The following GPR161 variants were observed in gnomAD, a reference collection of about 807,000 sequenced individuals.
GPR161 encodes the protein G protein-coupled receptor 161.
A neutral mutation model predicts 39.2 loss-of-function variants in GPR161; 25 were observed. That is an observed-to-expected ratio of 0.64 (90% CI 0.47 to 0.89). GPR161 has a LOEUF of 0.89. Among genes scored for constraint, GPR161 ranks in the 40% least tolerant of loss-of-function variants. The pLI, the probability that GPR161 is intolerant of heterozygous loss-of-function variation, is 0.00. For synonymous variants in GPR161, 286 were observed against 276.6 expected, an observed-to-expected ratio of 1.03 and a Z score of -0.34; for missense variants, 547 against 677.8, an observed-to-expected ratio of 0.81 and a Z score of 2.14.
In GPR161 at chr1:168,097,178, C is replaced by T. The variant is rs780435619; in HGVS notation, c.429G>A (p.Arg143=). The T allele has an allele frequency of 3.4e-5, 55 of 1,613,796 alleles. No homozygotes were observed. In the South Asian group the frequency reaches 5.8e-4, roughly 17 times the overall value. The change falls in exon 3 of 6, where the codon CGG becomes CGA. Residue 143 remains arginine (R), a synonymous_variant. Coordinates refer to ENST00000682931, the MANE Select transcript of GPR161 (RefSeq NM_001375883.1). ...AGATGTAGACAAGTGCCATCACAGCCCGGTTCCCTGTGATCTTCATGGGGT... is the reference window on the plus strand; with the variant it reads ...AGATGTAGACAAGTGCCATCACAGCTCGGTTCCCTGTGATCTTCATGGGGT... The part of the protein sequence containing the change: ...MVYPMKITGN[R]AVMALVYIWL...
Position 168,084,542 on chromosome 1 carries a change from A to G in GPR161, c.*989T>C. 2.9e-6 allele frequency: 1 copy of G among 348,820 alleles called. No homozygotes were observed. Among genetic ancestry groups the G allele is most frequent in the South Asian group, 2.2e-5 (1 of 45,158 alleles). The allele number at this position is 348,820 out of a possible 1,614,324, so 21.6% of individuals were successfully genotyped here. ...GTCCAGGGCTGCTTCTATCTTATTT[A>G]TACCAGGCTTGTGATAATAGTAACT... On this transcript the variant is annotated 3_prime_UTR_variant, in exon 6 of 6. Coordinates refer to ENST00000682931, the MANE Select transcript of GPR161 (RefSeq NM_001375883.1).
At chr1:168,106,509 G>A (rs1023206855) in intron 1 of GPR161, among the ~76,000 whole-genome samples, 2 of 152,170 alleles carry the variant, frequency 1.3e-5, no homozygotes, top group African/African-American at 4.8e-5. Context: ...AGGACCCCTT[G>A]AGCCCAGAGG....
Position 168,085,655 on chromosome 1 carries a change from A to G in GPR161, c.1466T>C (p.Val489Ala). ...FGEEALPGVL[V>A]TARTVPGGGF... ...GCCCCCCGGGACAGTCCGTGCTGTA[A>G]CCAAGACCCCTGGCAAAGCCTCCTC... The change falls in exon 6 of 6, where the codon GTT (valine) becomes GCT (alanine). Residue 489 changes from valine to alanine, a missense_variant. Physicochemically the swap from Val to Ala is moderately conservative, Grantham distance 64. Transcript: ENST00000682931. 1.2e-6 allele frequency: 2 copies of G among 1,614,186 alleles called. No homozygotes were observed. The highest frequency in any genetic ancestry group is 2.7e-5 in the African/African-American group (2 of 75,062).
At position 168,087,025 on chromosome 1, in the gene GPR161, T is replaced by C. The variant is rs535197873; in HGVS notation, c.1324+560A>G. Among the ~76,000 whole-genome samples, 13 of 152,290 alleles carry C rather than the reference T, an allele frequency of 8.5e-5. No homozygotes were observed. The South Asian group carries it at 2.7e-3, about 32-fold the overall frequency. On this transcript the variant is annotated intron_variant, in intron 5 of 5. Coordinates refer to ENST00000682931, the MANE Select transcript of GPR161 (RefSeq NM_001375883.1). ...TCTTGTCACTCTCCTAATCAGCATG[T>C]CTGGATGGGAAACGAATTCCAAGTT...
chr1:168,104,435 C>A (rs200122854), intron 2 of GPR161, 42 bp downstream of exon 2: 24 of 1,532,786 alleles, frequency 1.6e-5, no homozygotes, highest in African/African-American at 1.4e-5. Context: ...GATGAGCGCC[C>A]GTCAGTAATC....
intron 1 of GPR161, among the ~76,000 whole-genome samples, chr1:168,126,952 C>T (rs2102250518): frequency 6.6e-6 from 1 of 152,270 alleles, no homozygotes; most frequent in Non-Finnish European, 1.5e-5. Flanking sequence ...TTACCAAACC[C>T]AGGTCTGAAT....
At position 168,079,654 on chromosome 1, in the gene GPR161, A is replaced by G. The variant is rs1693930515; in HGVS notation, c.*5877T>C. 6.6e-6 allele frequency: 1 copy of G among 152,238 alleles called. No homozygotes were observed. Among genetic ancestry groups the G allele is most frequent in the Non-Finnish European group, 1.5e-5 (1 of 68,044 alleles). The allele number at this position is 152,238 out of a possible 1,614,324, so 9.4% of individuals were successfully genotyped here. On this transcript the variant is annotated 3_prime_UTR_variant, in exon 6 of 6. Transcript: ENST00000682931. Reference sequence around the variant, plus strand: ...TAAACTTTTTTTTAACCTTAAAAAAATCATCCAAAGACTTCAAGTTAAATA... The same window carrying G: ...TAAACTTTTTTTTAACCTTAAAAAAGTCATCCAAAGACTTCAAGTTAAATA...
chr1:168,137,314 C>T (rs1699464365), upstream of GPR161: 10 of 1,532,408 alleles, frequency 6.5e-6, no homozygotes, highest in Non-Finnish European at 7.9e-6. Context: ...CAGATTCTTC[C>T]CGCAGGCTCC....
At chr1:168,127,127 A>C (rs1342154714) in intron 1 of GPR161, among the ~76,000 whole-genome samples, 1 of 152,232 alleles carries the variant, frequency 6.6e-6, no homozygotes, top group African/African-American at 2.4e-5. Flanking sequence ...AAACTCAAGG[A>C]ATGTTTACAA....
intron 1 of GPR161, among the ~76,000 whole-genome samples, chr1:168,112,194 T>A (rs544558776): frequency 4.6e-5 from 7 of 151,898 alleles, no homozygotes; most frequent in South Asian, 2.1e-4. Flanking sequence ...TAGAAAAAAA[T>A]TTGGGACCAG....
At chr1:168,136,110 A>G in intron 1 of GPR161, 1 of 1,260,316 alleles carries the variant, frequency 7.9e-7, no homozygotes, top group Non-Finnish European at 1.0e-6. Context: ...TCCCCTTTCC[A>G]AGAACCAGCC....
chr1:168,085,358 G>C lies in GPR161; in HGVS notation c.*173C>G. On this transcript the variant is annotated 3_prime_UTR_variant, in exon 6 of 6. Coordinates refer to ENST00000682931, the MANE Select transcript of GPR161 (RefSeq NM_001375883.1). ...TCTGGAAATGCTGAAGCTGTGGACT[G>C]TAGACATTATTTTCAGTCCTTGTCC... 1 of 625,594 alleles carries C rather than the reference G, an allele frequency of 1.6e-6. No homozygotes were observed. The highest frequency in any genetic ancestry group is 1.9e-5 in the South Asian group (1 of 51,920). The allele number at this position is 625,594 out of a possible 1,614,324, so 38.8% of individuals were successfully genotyped here. A position where few individuals can be genotyped will look rare whatever the true frequency, so the allele number is the denominator to read the frequency against.
At chr1:168,093,558 G>A (rs1695255198) in intron 3 of GPR161, among the ~76,000 whole-genome samples, 1 of 152,226 alleles carries the variant, frequency 6.6e-6, no homozygotes, top group Non-Finnish European at 1.5e-5. Flanking sequence ...CTTTCCAAGT[G>A]CCCATACAAA....
At chr1:168,091,083 G>T (rs275150) in intron 3 of GPR161, among the ~76,000 whole-genome samples, 1 of 152,182 alleles carries the variant, frequency 6.6e-6, no homozygotes, top group African/African-American at 2.4e-5. Flanking sequence ...ACACCCCAAA[G>T]GAAGGAGAGA....
At chr1:168,123,088 C>T (rs1233594703) in intron 1 of GPR161, among the ~76,000 whole-genome samples, 2 of 152,200 alleles carry the variant, frequency 1.3e-5, no homozygotes, top group Admixed American at 1.3e-4. Context: ...CAGCCAACAT[C>T]CATTCTCCTC....
chr1:168,102,482 A>G (rs953508786), intron 2 of GPR161, among the ~76,000 whole-genome samples: 1 of 152,240 alleles, frequency 6.6e-6, no homozygotes, highest in Non-Finnish European at 1.5e-5. Context: ...AGGATTGGGC[A>G]CAGGCCTTTC....
rs1391465581 is a variant in GPR161, at chr1:168,079,852, CTG to C, written c.*5677_*5678del. The C allele has an allele frequency of 2.6e-5, 4 of 152,220 alleles. No individual in the cohort carries two copies. Among genetic ancestry groups the C allele is most frequent in the Non-Finnish European group, 5.9e-5 (4 of 67,996 alleles). The allele number at this position is 152,220 out of a possible 1,614,324, so 9.4% of individuals were successfully genotyped here. A position where few individuals can be genotyped will look rare whatever the true frequency, so the allele number is the denominator to read the frequency against. Reference sequence around the variant, plus strand: ...GCCAGGCCTGTGATTCTCCCTAGGACTGTCTTTTCCTCTGGGAGGACTGACTC... The same window carrying C: ...GCCAGGCCTGTGATTCTCCCTAGGACTCTTTTCCTCTGGGAGGACTGACTC... On this transcript the variant is annotated 3_prime_UTR_variant, in exon 6 of 6. Transcript: ENST00000682931.
intron 4 of GPR161, among the ~76,000 whole-genome samples, chr1:168,089,790 G>A (rs1006037553): frequency 1.3e-5 from 2 of 152,222 alleles, no homozygotes; most frequent in South Asian, 2.1e-4. Flanking sequence ...CTCTAACAGC[G>A]TGCTTCCAGC....
chr1:168,103,427 G>GAAAA (rs373919071), intron 2 of GPR161, among the ~76,000 whole-genome samples: 11 of 117,332 alleles, frequency 9.4e-5, no homozygotes, highest in African/African-American at 3.3e-4. Context: ...ACTACTCAGG[G>GAAAA]AAAAAAAAAA....
Sources: gnomAD v4.1 joint callset for allele counts (sites outside exome capture counted in the v4.1 genomes callset) on GRCh38, gnomAD v4.1.1 for gene constraint, MANE v1.5 for transcripts, NCBI Gene and HGNC (gene_info 2026-07-23, HGNC 2026-07-21) for gene names.